ERGIC1: variants seen among roughly 807,000 people sequenced by gnomAD.
ERGIC1 encodes endoplasmic reticulum-golgi intermediate compartment 1, also known as endoplasmic reticulum-Golgi intermediate compartment protein 1.
A neutral mutation model predicts 38.3 loss-of-function variants in ERGIC1; 19 were observed. The observed-to-expected ratio is 0.50, with a 90% confidence interval of 0.35 to 0.73. The LOEUF is 0.73. Ranked by LOEUF, ERGIC1 falls within the 30% of genes least tolerant of loss-of-function variation. The probability of loss-of-function intolerance (pLI) is 0.01; values close to 1 mark genes in which losing one functional copy is unlikely to be tolerated. For missense variants in ERGIC1, 294 were observed against 389.2 expected, an observed-to-expected ratio of 0.76 and a Z score of 2.06; for synonymous variants, 124 against 157.6, an observed-to-expected ratio of 0.79 and a Z score of 1.60.
rs761936342 is a variant in ERGIC1, at chr5:172,852,806, C to T, written c.20+18373C>T. On this transcript the variant is annotated intron_variant, in intron 1 of 9. Coordinates refer to ENST00000393784, the MANE Select transcript of ERGIC1 (RefSeq NM_001031711.3). ...AACGTGTACATCACTCAGCATGGCA[C>T]GCAGCCATGCGACGTGCTCAGCACA... 1.2e-4 allele frequency among the ~76,000 whole-genome samples: 18 copies of T among 152,354 alleles called. 1 individual carries two copies. The highest frequency in any genetic ancestry group is 9.1e-4 in the Admixed American group (14 of 15,306).
chr5:172,888,787 C>G, intron 2 of ERGIC1, 27 bp downstream of exon 2: 1 of 1,605,174 alleles, frequency 6.2e-7, no homozygotes, highest in African/African-American at 1.3e-5. Flanking sequence ...TGGCCATGCC[C>G]TCTGCCCCAT....
At chr5:172,861,861 G>A (rs1761708781) in intron 1 of ERGIC1, among the ~76,000 whole-genome samples, 1 of 152,190 alleles carries the variant, frequency 6.6e-6, no homozygotes, top group South Asian at 2.1e-4. Flanking sequence ...AAAGGAAGAA[G>A]CCCTTTGCAG....
At chr5:172,931,298 A>C in intron 7 of ERGIC1, 1 of 152,110 alleles carries the variant, frequency 6.6e-6, no homozygotes, top group Non-Finnish European at 1.5e-5. Context: ...CCAGCATTGG[A>C]TTCCAGTTAC....
rs1763854720 is a variant in ERGIC1 at position 172,934,914 on chromosome 5, G to C, written c.643-274G>C. On this transcript the variant is annotated intron_variant, in intron 8 of 9. Transcript: ENST00000393784. ...ATTGCACTTTTCCTTTTACAGCTCTGCTTTCTAATTTATTTTCTGATTCTG... is the reference window on the plus strand; with the variant it reads ...ATTGCACTTTTCCTTTTACAGCTCTCCTTTCTAATTTATTTTCTGATTCTG... 6 of 465,906 alleles carry C rather than the reference G, an allele frequency of 1.3e-5. No individual in the cohort carries two copies. The South Asian group carries it at 1.6e-4, about 12-fold the overall frequency. 28.9% of individuals were successfully genotyped at this position (465,906 alleles called of 1,614,324 possible). A position where few individuals can be genotyped will look rare whatever the true frequency, so the allele number is the denominator to read the frequency against.
intron 2 of ERGIC1, among the ~76,000 whole-genome samples, chr5:172,894,445 C>T (rs1174459388): frequency 4.6e-5 from 7 of 152,008 alleles, no homozygotes; most frequent in East Asian, 1.9e-4. Flanking sequence ...CCGCCCGCCT[C>T]GGCCTCCCAA....
chr5:172,932,111 G>A (rs1250140396), intron 7 of ERGIC1, among the ~76,000 whole-genome samples: 1 of 151,624 alleles, frequency 6.6e-6, no homozygotes, highest in African/African-American at 2.4e-5. Context: ...CACCCACCTC[G>A]GCCTCCCAAA....
Position 172,950,855 on chromosome 5 carries a change from G to T in ERGIC1, c.*39G>T, listed in dbSNP as rs774084854. ...CTAATGGCCGAGGACCCTGGGCATC[G>T]CCAGCCTTGCCTCCAGTGCCCTGTC... On this transcript the variant is annotated 3_prime_UTR_variant, in exon 10 of 10. Transcript: ENST00000393784. 6.5e-7 allele frequency: 1 copy of T among 1,549,774 alleles called. No homozygotes were observed. Among genetic ancestry groups the T allele is most frequent in the Non-Finnish European group, 8.8e-7 (1 of 1,133,414 alleles).
At chr5:172,924,440 G>A (rs550921613) in intron 6 of ERGIC1, among the ~76,000 whole-genome samples, 5 of 152,320 alleles carry the variant, frequency 3.3e-5, no homozygotes, top group South Asian at 4.1e-4. Context: ...ACAAGGGCTC[G>A]CTTGGCAGCT....
intron 1 of ERGIC1, among the ~76,000 whole-genome samples, chr5:172,878,576 A>ATAT (rs371485448): frequency 2.0e-5 from 3 of 151,954 alleles, no homozygotes; most frequent in Non-Finnish European, 4.4e-5. Flanking sequence ...TGTTACTATT[A>ATAT]TATTATTATT....
At position 172,834,346 on chromosome 5, in the gene ERGIC1, C is replaced by T. The variant is rs986412536; in HGVS notation, c.-68C>T. On this transcript the variant is annotated 5_prime_UTR_variant, in exon 1 of 10. Transcript: ENST00000393784. The surrounding 1 kb of genome is among the most constrained non-coding windows in gnomAD (Gnocchi z 4.1). ...GGGCGGCCGGAGGAGGCGTTGGCAG[C>T]GGGCTCGGACCCACGCGGCGCCGCG... 3.7e-4 allele frequency: 447 copies of T among 1,209,262 alleles called. 1 individual carries two copies. Among genetic ancestry groups the T allele is most frequent in the South Asian group, 7.3e-4 (19 of 26,128 alleles). The allele number at this position is 1,209,262 out of a possible 1,614,324, so 74.9% of individuals were successfully genotyped here.
chr5:172,929,153 A>ATGTG (rs70984922), intron 7 of ERGIC1, among the ~76,000 whole-genome samples: 8,425 of 150,020 alleles, frequency 0.056, 514 homozygotes, highest in African/African-American at 0.13. Context: ...ATATATATAT[A>ATGTG]TGTGTGTGTG....
chr5:172,951,165 T>C lies in ERGIC1; in HGVS notation c.*349T>C. On this transcript the variant is annotated 3_prime_UTR_variant, in exon 10 of 10. Transcript: ENST00000393784. ...TCCCAGAATGCATATCGATCAGCTC[T>C]CAGCCAGGCTTCGACAATCTCGCAG... 1 of 181,240 alleles carries C rather than the reference T, an allele frequency of 5.5e-6. No homozygotes were observed. Among genetic ancestry groups the C allele is most frequent in the Non-Finnish European group, 1.2e-5 (1 of 86,896 alleles). The allele number at this position is 181,240 out of a possible 1,614,324, so 11.2% of individuals were successfully genotyped here.
intron 2 of ERGIC1, among the ~76,000 whole-genome samples, chr5:172,892,286 T>C (rs1401828679): frequency 6.6e-6 from 1 of 152,224 alleles, no homozygotes; most frequent in Non-Finnish European, 1.5e-5. Flanking sequence ...GCCCTGGGAC[T>C]GTGCTGATGA....
At chr5:172,866,343 T>C (rs1177235897) in intron 1 of ERGIC1, among the ~76,000 whole-genome samples, 1 of 152,032 alleles carries the variant, frequency 6.6e-6, no homozygotes, top group Non-Finnish European at 1.5e-5. Context: ...GCTGCCCTGG[T>C]TTTTCTCTCA....
chr5:172,865,662 T>C (rs907691705), intron 1 of ERGIC1, among the ~76,000 whole-genome samples: 1 of 152,104 alleles, frequency 6.6e-6, no homozygotes, highest in East Asian at 1.9e-4. Context: ...CTGACTTCCC[T>C]CCCCTTGCTT....
At chr5:172,902,478 T>C (rs999875479) in intron 3 of ERGIC1, among the ~76,000 whole-genome samples, 1 of 152,198 alleles carries the variant, frequency 6.6e-6, no homozygotes, top group Non-Finnish European at 1.5e-5. Context: ...GACGGGTTTA[T>C]GTCTCAGACA....
chr5:172,868,092 G>A (rs955832269), intron 1 of ERGIC1, among the ~76,000 whole-genome samples: 9 of 152,214 alleles, frequency 5.9e-5, no homozygotes, highest in Non-Finnish European at 1.3e-4. Context: ...CAGCGCTAGC[G>A]ATGATGATAA....
chr5:172,943,400 C>G (rs943044658), intron 9 of ERGIC1, among the ~76,000 whole-genome samples: 1 of 152,010 alleles, frequency 6.6e-6, no homozygotes. Flanking sequence ...ACTACACCCC[C>G]CACCTCTGCC....
intron 3 of ERGIC1, chr5:172,897,856 C>A (rs944940839): frequency 4.8e-6 from 2 of 414,070 alleles, no homozygotes; most frequent in African/African-American, 2.1e-5. Context: ...GGTGAGGAAT[C>A]GGTGCAGGCT....
Sources: allele counts gnomAD v4.1 joint callset (sites outside exome capture counted in the v4.1 genomes callset), GRCh38; gene constraint gnomAD v4.1.1; non-coding constraint Gnocchi (gnomAD v3.1); transcripts MANE v1.5; gene names NCBI Gene and HGNC (gene_info 2026-07-23, HGNC 2026-07-21).